Variants in ARSG observed in about 807,000 individuals in gnomAD.
ARSG encodes the protein arylsulfatase G, also known as ASG.
Under a neutral mutation model 50.5 loss-of-function variants are expected in ARSG, and 37 were observed. The ratio of observed to expected loss-of-function variants is 0.73; its 90% CI spans 0.56 to 0.96. The LOEUF (loss-of-function observed/expected upper bound fraction) is 0.96. Ranked by LOEUF, ARSG falls within the 50% of genes least tolerant of loss-of-function variation. The pLI is 0.00. For synonymous variants in ARSG, 225 were observed against 254.6 expected, an observed-to-expected ratio of 0.88 and a Z score of 1.11; for missense variants, 629 against 675.3, an observed-to-expected ratio of 0.93 and a Z score of 0.76.
chr17:68,343,663 C>T lies in ARSG; in HGVS notation c.278C>T (p.Thr93Ile), dbSNP rs764675627. ...TCSPSRASLLTGRLGLRNGVT... is the reference protein window; with the variant it reads ...TCSPSRASLLIGRLGLRNGVT... The stretch of plus-strand genomic sequence containing the variant: ...TCACCCTCCCGGGCTTCCTTGCTCA[C>T]CGGCCGGCTTGGCCTTCGCAATGGA... Residue 93 changes from threonine to isoleucine, a missense_variant, in exon 3 of 12, where the codon ACC becomes ATC. Transcript: ENST00000621439. The T allele has an allele frequency of 1.2e-6, 2 of 1,614,006 alleles. No individual in the cohort carries two copies. The highest frequency in any genetic ancestry group is 1.7e-6 in the Non-Finnish European group (2 of 1,179,972).
At chr17:68,341,994 A>AT (rs1169399104) in intron 2 of ARSG, among the ~76,000 whole-genome samples, 1 of 151,434 alleles carries the variant, frequency 6.6e-6, no homozygotes, top group Non-Finnish European at 1.5e-5. Context: ...TGATTTTTGT[A>AT]TTTTTTGTGG....
chr17:68,449,665 C>T, the ARSG span, among the ~76,000 whole-genome samples: 156 of 152,326 alleles, frequency 1.0e-3, no homozygotes, highest in African/African-American at 2.6e-3. Flanking sequence ...CGCCTGCTCC[C>T]GCTTTGCCTT....
rs1037818598 is a variant in ARSG, at chr17:68,367,493, C to T, written c.705-1055C>T. On this transcript the variant is annotated intron_variant, in intron 6 of 11. Transcript: ENST00000621439. This position sits in a 1 kb window ranked among gnomAD's most constrained non-coding sequence, Gnocchi z 4.5. ...CCTTGTTTGGTGTCCTCTGAAAGAC[C>T]CCCCATGGATGGATCTGTGGGAGAG... Among the ~76,000 whole-genome samples, 1 of 152,136 alleles carries T rather than the reference C, an allele frequency of 6.6e-6. No individual in the cohort carries two copies. Among genetic ancestry groups the T allele is most frequent in the South Asian group, 2.1e-4 (1 of 4,828 alleles).
At chr17:68,427,979 T>TTACTGAG in the ARSG span, among the ~76,000 whole-genome samples, 4 of 151,376 alleles carry the variant, frequency 2.6e-5, no homozygotes, top group African/African-American at 4.9e-5. Flanking sequence ...AGTCTTGACC[T>TTACTGAG]TCCTGGGCTC....
chr17:68,271,085 T>C lies in ARSG; in HGVS notation c.-552+11659T>C. On this transcript the variant is annotated intron_variant, in intron 1 of 11. Transcript: ENST00000448504. This position sits in a 1 kb window ranked among gnomAD's most constrained non-coding sequence, Gnocchi z 5.3. ...ATGACGCAGATGAGCTCAATGTAAA[T>C]CTTACGAATGGGCTCCCTGTTGAGG... The C allele has an allele frequency of 6.2e-7, 1 of 1,614,112 alleles. No homozygotes were observed. The highest frequency in any genetic ancestry group is 8.5e-7 in the Non-Finnish European group (1 of 1,180,024).
At chr17:68,346,129 G>T (rs2078492579) in intron 3 of ARSG, among the ~76,000 whole-genome samples, 1 of 152,030 alleles carries the variant, frequency 6.6e-6, no homozygotes, top group Non-Finnish European at 1.5e-5. Flanking sequence ...GCCTGCCTCG[G>T]CCTCCCAAAG....
the ARSG span, among the ~76,000 whole-genome samples, chr17:68,451,260 A>G: frequency 1.3e-5 from 2 of 152,142 alleles, no homozygotes; most frequent in Admixed American, 6.5e-5. Context: ...GCGAAACCCC[A>G]TCTCTACTAA....
chr17:68,361,920 A>G (rs2079308406), intron 6 of ARSG, among the ~76,000 whole-genome samples: 1 of 152,190 alleles, frequency 6.6e-6, no homozygotes, highest in Non-Finnish European at 1.5e-5. Context: ...CTCAGAAAGA[A>G]CCATGACAAC....
chr17:68,347,885 AT>A (rs1439692382), intron 4 of ARSG, among the ~76,000 whole-genome samples: 1 of 151,934 alleles, frequency 6.6e-6, no homozygotes. Context: ...TTCTCTGACT[AT>A]TTTGCAGACT....
the ARSG span, among the ~76,000 whole-genome samples, chr17:68,444,062 C>G: frequency 6.6e-6 from 1 of 152,166 alleles, no homozygotes; most frequent in Admixed American, 6.5e-5. Context: ...AAAACATATT[C>G]TTTATGGTTC....
the ARSG span, among the ~76,000 whole-genome samples, chr17:68,440,259 A>G: frequency 5.9e-5 from 9 of 152,198 alleles, no homozygotes; most frequent in African/African-American, 1.9e-4. Context: ...TGACTTCCCT[A>G]TGGCCCAAGT....
chr17:68,353,646 C>T (rs1446900635), intron 5 of ARSG, among the ~76,000 whole-genome samples: 1 of 152,134 alleles, frequency 6.6e-6, no homozygotes, highest in African/African-American at 2.4e-5. Flanking sequence ...TCACACCTGG[C>T]CATATGAAGG....
chr17:68,266,539 A>G (rs2075170534), intron 1 of ARSG, among the ~76,000 whole-genome samples: 1 of 149,894 alleles, frequency 6.7e-6, no homozygotes, highest in South Asian at 2.1e-4. Flanking sequence ...GCTGCACATG[A>G]TGGCTCACAC....
At chr17:68,368,517 G>A in intron 6 of ARSG, 31 bp from the exon 7 acceptor site, 1 of 1,606,802 alleles carries the variant, frequency 6.2e-7, no homozygotes. Context: ...AGAGCCTTCT[G>A]CAGAGTCACC....
At chr17:68,333,940 T>G (rs1291578825) in intron 2 of ARSG, among the ~76,000 whole-genome samples, 3 of 152,154 alleles carry the variant, frequency 2.0e-5, no homozygotes, top group African/African-American at 4.8e-5. Context: ...GAAAGAAACC[T>G]GTGCCTAGGG....
At chr17:68,331,389 C>T (rs1032856822) in intron 2 of ARSG, among the ~76,000 whole-genome samples, 10 of 152,116 alleles carry the variant, frequency 6.6e-5, no homozygotes, top group Admixed American at 1.3e-4. Flanking sequence ...GGACTACAGG[C>T]GCCCACCAGC....
the ARSG span, among the ~76,000 whole-genome samples, chr17:68,443,123 T>A: frequency 6.6e-6 from 1 of 152,178 alleles, no homozygotes; most frequent in African/African-American, 2.4e-5. Flanking sequence ...TTATTCATTG[T>A]TTTTTGAGAC....
intron 9 of ARSG, among the ~76,000 whole-genome samples, chr17:68,387,033 T>G (rs1440392250): frequency 6.6e-6 from 1 of 151,780 alleles, no homozygotes; most frequent in Non-Finnish European, 1.5e-5. Context: ...TTACTTTTAG[T>G]AGCAAAAACT....
At chr17:68,425,934 A>G (rs2083139016), downstream of ARSG, 4 of 679,366 alleles carry the variant, frequency 5.9e-6, no homozygotes, top group Admixed American at 2.6e-5. Context: ...CAAATATCCT[A>G]TGGCTTTCCA....
Sources: gnomAD v4.1 joint callset for allele counts (sites outside exome capture counted in the v4.1 genomes callset) on GRCh38, gnomAD v4.1.1 for gene constraint, Gnocchi (gnomAD v3.1) non-coding constraint, MANE v1.5 for transcripts, NCBI Gene and HGNC (gene_info 2026-07-23, HGNC 2026-07-21) for gene names.